SMYD3: variants seen among roughly 807,000 people sequenced by gnomAD.
SMYD3 encodes the protein SET and MYND domain containing 3.
A neutral mutation model predicts 57.7 loss-of-function variants in SMYD3; 36 were observed. The ratio of observed to expected loss-of-function variants is 0.62; its 90% CI spans 0.48 to 0.82. The LOEUF (loss-of-function observed/expected upper bound fraction) is 0.82. Among genes scored for constraint, SMYD3 ranks in the 40% least tolerant of loss-of-function variants. SMYD3 has a pLI of 0.00. For missense variants in SMYD3, 515 were observed against 538.8 expected, an observed-to-expected ratio of 0.96 and a Z score of 0.44; for synonymous variants, 211 against 195.0, an observed-to-expected ratio of 1.08 and a Z score of -0.68.
At chr1:246,092,753 A>G (rs944527840) in intron 5 of SMYD3, among the ~76,000 whole-genome samples, 5 of 152,196 alleles carry the variant, frequency 3.3e-5, no homozygotes, top group Non-Finnish European at 5.9e-5. Flanking sequence ...CCAAAAATAG[A>G]CAAATGAGAT....
chr1:245,787,808 T>C (rs2047106770), intron 10 of SMYD3, among the ~76,000 whole-genome samples: 1 of 152,196 alleles, frequency 6.6e-6, no homozygotes, highest in Non-Finnish European at 1.5e-5. Context: ...AAAAGGATTT[T>C]TGGGCACAAG....
At chr1:245,877,444 TC>T (rs1157251493) in intron 8 of SMYD3, among the ~76,000 whole-genome samples, 1 of 152,246 alleles carries the variant, frequency 6.6e-6, no homozygotes, top group Non-Finnish European at 1.5e-5. Flanking sequence ...TCTATGTTTT[TC>T]AAATATTTAC....
intron 7 of SMYD3, among the ~76,000 whole-genome samples, chr1:245,925,680 G>A (rs546072079): frequency 4.9e-4 from 74 of 152,194 alleles, no homozygotes; most frequent in African/African-American, 1.7e-3. Context: ...ATAGAGAGTC[G>A]ATTCAACAAA....
rs891388281 is a variant in SMYD3 at position 246,239,805 on chromosome 1, T to A, written c.531+87396A>T. Among the ~76,000 whole-genome samples, 6 of 152,292 alleles carry A rather than the reference T, an allele frequency of 3.9e-5. 1 individual carries two copies. Among genetic ancestry groups the A allele is most frequent in the African/African-American group, 1.4e-4 (6 of 41,568 alleles). ...ATTCTAACTGGTGTGAGATGGTATC[T>A]CATTGTGGTTTTGATTTGCATTTCT... On this transcript the variant is annotated intron_variant, in intron 5 of 11. Transcript: ENST00000490107.
intron 5 of SMYD3, among the ~76,000 whole-genome samples, chr1:246,206,443 A>C (rs1199604842): frequency 6.6e-6 from 1 of 152,182 alleles, no homozygotes; most frequent in Non-Finnish European, 1.5e-5. Flanking sequence ...AATCTCACAG[A>C]AATATAAGAA....
chr1:246,252,662 C>A (rs76405703), intron 5 of SMYD3, among the ~76,000 whole-genome samples: 84 of 152,268 alleles, frequency 5.5e-4, no homozygotes, highest in African/African-American at 1.9e-3. Flanking sequence ...GTTCTAAAGA[C>A]GTCTGTCCTG....
chr1:246,440,987 C>T (rs767568272), intron 1 of SMYD3, among the ~76,000 whole-genome samples: 5 of 152,294 alleles, frequency 3.3e-5, no homozygotes, highest in Non-Finnish European at 4.4e-5. Flanking sequence ...GAATTACACA[C>T]ACCTGTTAGT....
chr1:246,260,852 T>A (rs748369035), intron 5 of SMYD3, among the ~76,000 whole-genome samples: 12 of 152,068 alleles, frequency 7.9e-5, no homozygotes, highest in Non-Finnish European at 1.6e-4. Flanking sequence ...AATCTGCACT[T>A]TATAAATGGA....
intron 10 of SMYD3, among the ~76,000 whole-genome samples, chr1:245,767,947 T>C (rs1316384): frequency 0.1 from 15,684 of 152,100 alleles, 922 homozygotes; most frequent in Admixed American, 0.17. Flanking sequence ...ATACTTGAGG[T>C]AGGATAGCAG....
chr1:245,824,288 G>A (rs1441128228), intron 10 of SMYD3, among the ~76,000 whole-genome samples: 2 of 152,254 alleles, frequency 1.3e-5, no homozygotes, highest in Non-Finnish European at 2.9e-5. Context: ...ATGCTTTGTA[G>A]CTAAGTATCT....
At chr1:246,504,564 G>A (rs569843003) in intron 1 of SMYD3, among the ~76,000 whole-genome samples, 1 of 152,210 alleles carries the variant, frequency 6.6e-6, no homozygotes, top group Non-Finnish European at 1.5e-5. Flanking sequence ...TCGTTATGCA[G>A]TGCATGACTG....
intron 5 of SMYD3, among the ~76,000 whole-genome samples, chr1:246,254,575 C>T (rs10924632): frequency 0.21 from 31,576 of 152,028 alleles, 3,986 homozygotes; most frequent in East Asian, 0.58. Context: ...AATGTGATGC[C>T]TCTGGCTTTG....
intron 10 of SMYD3, among the ~76,000 whole-genome samples, chr1:245,796,898 C>T (rs1442394264): frequency 6.6e-6 from 1 of 152,186 alleles, no homozygotes; most frequent in East Asian, 1.9e-4. Flanking sequence ...CTGCAGAAAG[C>T]ATCACAATTC....
chr1:245,923,852 A>C (rs1294354002), intron 7 of SMYD3, among the ~76,000 whole-genome samples: 2 of 152,190 alleles, frequency 1.3e-5, no homozygotes, highest in Non-Finnish European at 2.9e-5. Context: ...GGGTCTTAAT[A>C]ATCTTTGTAT....
chr1:246,261,040 G>T (rs2063998571), intron 5 of SMYD3, among the ~76,000 whole-genome samples: 1 of 133,020 alleles, frequency 7.5e-6, no homozygotes, highest in African/African-American at 2.7e-5. Context: ...CTCTTTCTGG[G>T]TTTTGTTGTT....
intron 5 of SMYD3, among the ~76,000 whole-genome samples, chr1:246,156,132 G>A (rs1480856973): frequency 6.6e-6 from 1 of 151,730 alleles, no homozygotes; most frequent in East Asian, 1.9e-4. Flanking sequence ...TACCTAATTT[G>A]GTTACTATGT....
intron 5 of SMYD3, among the ~76,000 whole-genome samples, chr1:246,179,950 G>T (rs2062507739): frequency 6.6e-6 from 1 of 151,986 alleles, no homozygotes; most frequent in Admixed American, 6.6e-5. Flanking sequence ...TCAAAGGTGG[G>T]GACCTACTTG....
At chr1:246,491,058 G>A (rs975454888) in intron 1 of SMYD3, among the ~76,000 whole-genome samples, 2 of 152,182 alleles carry the variant, frequency 1.3e-5, no homozygotes, top group Non-Finnish European at 2.9e-5. Flanking sequence ...GAGCTGTTAA[G>A]TAGTTTGCCC....
In SMYD3 at chr1:246,327,217, A is replaced by G. The variant is rs1266870508; in HGVS notation, c.515T>C (p.Phe172Ser). 2 of 1,614,148 alleles carry G rather than the reference A, an allele frequency of 1.2e-6. No individual in the cohort carries two copies. Among genetic ancestry groups the G allele is most frequent in the Admixed American group, 1.7e-5 (1 of 60,016 alleles). Reference sequence around the variant, plus strand: ...AACACTTACTTTTGCAAAGGCTTCAAAAAGGTCAAAGGCAGGTGGCAGCTG... The same window carrying G: ...AACACTTACTTTTGCAAAGGCTTCAGAAAGGTCAAAGGCAGGTGGCAGCTG... ...ASQLPPAFDL[F>S]EAFAKVICNS... The change falls in exon 5 of 12, where the codon TTT becomes TCT. Residue 172 changes from phenylalanine to serine, a missense_variant. Coordinates refer to ENST00000490107, the MANE Select transcript of SMYD3 (RefSeq NM_001167740.2).
Sources: allele counts gnomAD v4.1 joint callset (sites outside exome capture counted in the v4.1 genomes callset), GRCh38; gene constraint gnomAD v4.1.1; transcripts MANE v1.5; gene names NCBI Gene and HGNC (gene_info 2026-07-23, HGNC 2026-07-21).